Variants in SLC24A2 observed in about 807,000 individuals in gnomAD.
The protein encoded by SLC24A2 is sodium/potassium/calcium exchanger 2.
SLC24A2 carries 36 observed loss-of-function variants against 62.0 expected under a neutral mutation model. That is an observed-to-expected ratio of 0.58 (90% CI 0.44 to 0.77). The LOEUF is 0.77. SLC24A2 is among the 30% of genes least tolerant of loss of function. SLC24A2 has a pLI of 0.00. For missense variants in SLC24A2, 846 were observed against 817.9 expected (o/e 1.03, Z -0.42); for synonymous variants, 358 against 294.0 (o/e 1.22, Z -2.23).
the SLC24A2 span, among the ~76,000 whole-genome samples, chr9:19,844,988 G>A: frequency 6.7e-6 from 1 of 149,708 alleles, no homozygotes; most frequent in East Asian, 1.9e-4. Flanking sequence ...GATTGCCTTG[G>A]CTATTCAGGC....
At chr9:20,232,536 G>A in the SLC24A2 span, among the ~76,000 whole-genome samples, 1 of 152,184 alleles carries the variant, frequency 6.6e-6, no homozygotes, top group African/African-American at 2.4e-5. Flanking sequence ...GGTGTTTATA[G>A]TATTCTCTGA....
chr9:19,926,351 G>A, the SLC24A2 span: 1 of 152,162 alleles, frequency 6.6e-6, no homozygotes, highest in South Asian at 2.1e-4. Flanking sequence ...TCCCTTCAAG[G>A]AAAGCCCTGT....
At chr9:19,856,994 T>C in the SLC24A2 span, among the ~76,000 whole-genome samples, 2 of 152,106 alleles carry the variant, frequency 1.3e-5, no homozygotes, top group Non-Finnish European at 2.9e-5. Flanking sequence ...GGTTGGGGAG[T>C]AAAATTGCTG....
At chr9:19,612,290 CTTG>C (rs1837197328) in intron 4 of SLC24A2, among the ~76,000 whole-genome samples, 1 of 152,128 alleles carries the variant, frequency 6.6e-6, no homozygotes, top group Non-Finnish European at 1.5e-5. Context: ...TCTGCCAGGC[CTTG>C]TTGTAAGTGC....
chr9:20,032,689 G>A, the SLC24A2 span, among the ~76,000 whole-genome samples: 1 of 152,158 alleles, frequency 6.6e-6, no homozygotes, highest in Non-Finnish European at 1.5e-5. Flanking sequence ...ACAAGGAGAT[G>A]AACAATTCTG....
At chr9:19,801,443 G>A in the SLC24A2 span, among the ~76,000 whole-genome samples, 1 of 152,160 alleles carries the variant, frequency 6.6e-6, no homozygotes, top group African/African-American at 2.4e-5. Flanking sequence ...AGTGGTGGAC[G>A]GTGAGCAAAA....
chr9:20,054,314 C>G, the SLC24A2 span, among the ~76,000 whole-genome samples: 2 of 152,126 alleles, frequency 1.3e-5, no homozygotes, highest in Non-Finnish European at 2.9e-5. Flanking sequence ...GTCTCAGCCT[C>G]CCAAGTAGCT....
chr9:20,145,267 G>A, the SLC24A2 span, among the ~76,000 whole-genome samples: 8 of 151,986 alleles, frequency 5.3e-5, no homozygotes, highest in Non-Finnish European at 1.0e-4. Flanking sequence ...AAGTGGGCTC[G>A]TTGCTCTATG....
At chr9:19,758,999 T>C (rs1013160075) in intron 2 of SLC24A2, among the ~76,000 whole-genome samples, 13 of 152,162 alleles carry the variant, frequency 8.5e-5, no homozygotes, top group African/African-American at 3.1e-4. Flanking sequence ...TGTGTCAAGA[T>C]TGCACAGCAA....
the SLC24A2 span, among the ~76,000 whole-genome samples, chr9:20,251,806 A>T: frequency 3.4e-4 from 51 of 152,208 alleles, no homozygotes; most frequent in Admixed American, 3.3e-3. Flanking sequence ...TCCCTCTGTC[A>T]CCCACAACAT....
chr9:19,657,568 T>C (rs1818977217), intron 2 of SLC24A2, among the ~76,000 whole-genome samples: 1 of 152,090 alleles, frequency 6.6e-6, no homozygotes, highest in African/African-American at 2.4e-5. Flanking sequence ...GTGTATTCTT[T>C]GAACAGTTAT....
At chr9:19,635,369 G>A (rs1778407976) in intron 2 of SLC24A2, among the ~76,000 whole-genome samples, 1 of 152,164 alleles carries the variant, frequency 6.6e-6, no homozygotes, top group African/African-American at 2.4e-5. Context: ...AGATGGTTCT[G>A]GTGGGCATTT....
In SLC24A2 at chr9:19,783,060, G is replaced by A. The variant is rs149948866; in HGVS notation, c.930+2877C>T. Among the ~76,000 whole-genome samples, 212 of 152,248 alleles carry A rather than the reference G, an allele frequency of 1.4e-3. 1 individual carries two copies. The highest frequency in any genetic ancestry group is 4.6e-3 in the African/African-American group (193 of 41,554). On this transcript the variant is annotated intron_variant, in intron 2 of 10. Transcript: ENST00000341998. ...AATTTAAATGAGATGAGAAACTGTT[G>A]CTTTAACTATGAAAAATAATGCCAG... is the stretch of plus-strand genomic sequence containing the variant.
At chr9:19,524,596 C>CAGAATT (rs1277905436) in intron 9 of SLC24A2, among the ~76,000 whole-genome samples, 5 of 152,102 alleles carry the variant, frequency 3.3e-5, no homozygotes, top group Admixed American at 3.3e-4. Flanking sequence ...GTACAAACAA[C>CAGAATT]AGAATTAGAG....
At chr9:20,298,662 A>G in the SLC24A2 span, among the ~76,000 whole-genome samples, 8 of 152,382 alleles carry the variant, frequency 5.2e-5, no homozygotes, top group Admixed American at 1.3e-4. Flanking sequence ...CATAATAGTA[A>G]TAGCAGCAGC....
the SLC24A2 span, among the ~76,000 whole-genome samples, chr9:20,274,851 G>T: frequency 0.017 from 2,613 of 151,876 alleles, 39 homozygotes; most frequent in Middle Eastern, 0.027. Context: ...AGCATGCCAC[G>T]GTGCAGAAGC....
At chr9:20,118,092 G>A in the SLC24A2 span, among the ~76,000 whole-genome samples, 2 of 151,990 alleles carry the variant, frequency 1.3e-5, no homozygotes, top group Non-Finnish European at 2.9e-5. Context: ...TTAGGATAAA[G>A]AGTAAGTCAA....
chr9:19,627,488 A>G (rs1239405928), intron 2 of SLC24A2, among the ~76,000 whole-genome samples: 1 of 152,176 alleles, frequency 6.6e-6, no homozygotes, highest in Non-Finnish European at 1.5e-5. Context: ...GACAAGTTAA[A>G]TCTACACAAT....
rs1390794819 is a variant in SLC24A2, at chr9:19,516,046, C to T, written c.*107G>A. The T allele has an allele frequency of 4.3e-6, 6 of 1,392,238 alleles. No individual in the cohort carries two copies. The highest frequency in any genetic ancestry group is 6.1e-6 in the Non-Finnish European group (6 of 980,500). The allele number at this position is 1,392,238 out of a possible 1,614,324, so 86.2% of individuals were successfully genotyped here. A position where few individuals can be genotyped will look rare whatever the true frequency, so the allele number is the denominator to read the frequency against. ...AAATTCACCAAGGAGGGACACTTGG[C>T]ACCCAGGGCTGTGTGCCAGCTGCCT... On this transcript the variant is annotated 3_prime_UTR_variant, in exon 11 of 11. Coordinates refer to ENST00000341998, the MANE Select transcript of SLC24A2 (RefSeq NM_020344.4).
Sources: allele counts gnomAD v4.1 joint callset (sites outside exome capture counted in the v4.1 genomes callset), GRCh38; gene constraint gnomAD v4.1.1; transcripts MANE v1.5; gene names NCBI Gene and HGNC (gene_info 2026-07-23, HGNC 2026-07-21).